The following TMIGD2 variants were observed in gnomAD, a reference collection of about 807,000 sequenced individuals.
TMIGD2 encodes transmembrane and immunoglobulin domain-containing protein 2.
A neutral mutation model predicts 22.6 loss-of-function variants in TMIGD2; 18 were observed. The observed-to-expected ratio is 0.80, with a 90% confidence interval of 0.55 to 1.18. The LOEUF is 1.18. TMIGD2 is among the 50% of genes most tolerant of loss of function. The pLI is 0.00. For missense variants in TMIGD2, 361 were observed against 378.2 expected (o/e 0.95, Z 0.38); for synonymous variants, 184 against 154.1 (o/e 1.19, Z -1.44).
intron 1 of TMIGD2, among the ~76,000 whole-genome samples, chr19:4,301,835 C>T (rs879762698): frequency 3.3e-5 from 5 of 152,058 alleles, no homozygotes; most frequent in Admixed American, 6.6e-5. Flanking sequence ...GAGCTGCTGC[C>T]GGAGTAGAAA....
In TMIGD2 at chr19:4,302,323, G is replaced by C. The variant is rs751058151; in HGVS notation, c.46+17C>G. On this transcript the variant is annotated intron_variant, in intron 1 of 4. Coordinates refer to ENST00000301272, the Ensembl canonical transcript of TMIGD2. The stretch of plus-strand genomic sequence containing the variant: ...GCAAGAGTGGGGTTCAGAGGGGAGG[G>C]AGGCCCAGATACTCACCCCAGATCT... 1 of 1,566,048 alleles carries C rather than the reference G, an allele frequency of 6.4e-7. No homozygotes were observed. Among genetic ancestry groups the C allele is most frequent in the Admixed American group, 1.8e-5 (1 of 54,384 alleles).
intron 1 of TMIGD2, among the ~76,000 whole-genome samples, chr19:4,301,132 CCAGCT>C (rs1971531230): frequency 6.6e-6 from 1 of 152,048 alleles, no homozygotes; most frequent in Non-Finnish European, 1.5e-5. Flanking sequence ...GCTACCACGC[CCAGCT>C]AATTTTTGTA....
chr19:4,297,270 T>C lies in TMIGD2; in HGVS notation c.406+716A>G, dbSNP rs148631721. ...TTTAGTAGAGAGGGGGTTTTCATCA[T>C]GTTGGCCAGGCTGGTCTCGAACCCC... On this transcript the variant is annotated intron_variant, in intron 2 of 4. Transcript: ENST00000301272. 2.6e-3 allele frequency among the ~76,000 whole-genome samples: 397 copies of C among 152,138 alleles called. 1 individual carries two copies. Among genetic ancestry groups the C allele is most frequent in the African/African-American group, 9.2e-3 (382 of 41,526 alleles).
rs1429414848 is a variant in TMIGD2, at chr19:4,293,273, T to TA, written c.563-389_563-388insT. Among the ~76,000 whole-genome samples, 60 of 147,482 alleles carry TA rather than the reference T, an allele frequency of 4.1e-4. 1 individual carries two copies. Among genetic ancestry groups the TA allele is most frequent in the African/African-American group, 1.5e-3 (58 of 39,422 alleles). ...ACCGCGCCCGGCCTTTTTTTTTTTTTTTTTGAGACAGTCTTACTCTGTCAC... is the reference window on the plus strand; with the variant it reads ...ACCGCGCCCGGCCTTTTTTTTTTTTTATTTTGAGACAGTCTTACTCTGTCAC... On this transcript the variant is annotated intron_variant, in intron 4 of 4. Transcript: ENST00000301272.
intron 1 of TMIGD2, among the ~76,000 whole-genome samples, chr19:4,301,464 C>T (rs778743610): frequency 2.6e-5 from 4 of 152,084 alleles, no homozygotes; most frequent in Non-Finnish European, 4.4e-5. Flanking sequence ...GTCAGGAGTT[C>T]GAGACCCACC....
At chr19:4,292,588 C>T in exon 5 of TMIGD2, 1 of 1,612,484 alleles carries the variant, frequency 6.2e-7, no homozygotes, top group South Asian at 1.1e-5. Context: ...GTTGAGGTCT[C>T]CTGGGATCTC....
At chr19:4,295,205 G>A (rs994476427) in intron 2 of TMIGD2, among the ~76,000 whole-genome samples, 1 of 147,618 alleles carries the variant, frequency 6.8e-6, no homozygotes, top group Non-Finnish European at 1.5e-5. Flanking sequence ...AGGTTGCAGT[G>A]AGCCGAGATC....
intron 1 of TMIGD2, 82 bp from the exon 2 acceptor site, chr19:4,298,427 A>AC: frequency 6.8e-7 from 1 of 1,469,778 alleles, no homozygotes; most frequent in South Asian, 1.4e-5. Context: ...GTGAGCCCGC[A>AC]GTCTGGGTTT....
rs559563785 is a variant in TMIGD2, at chr19:4,300,027, G to A, written c.47-1682C>T. Among the ~76,000 whole-genome samples the A allele has an allele frequency of 3.3e-5, 5 of 150,986 alleles. No individual in the cohort carries two copies. The South Asian group carries it at 1.0e-3, about 32-fold the overall frequency. Reference sequence around the variant, plus strand: ...TGTAATCCCAGCACTTTGGGAGGCCGAGGCGGGTGGATCACCTGAGGTCAG... The same window carrying A: ...TGTAATCCCAGCACTTTGGGAGGCCAAGGCGGGTGGATCACCTGAGGTCAG... On this transcript the variant is annotated intron_variant, in intron 1 of 4. Transcript: ENST00000301272.
At chr19:4,298,257 C>T (rs1315785111) in exon 2 of TMIGD2, 8 of 1,612,446 alleles carry the variant, frequency 5.0e-6, no homozygotes, top group Admixed American at 1.7e-5. Context: ...CCTGGTCCAC[C>T]TGGCAGACCA....
chr19:4,297,910 G>C, intron 2 of TMIGD2, 76 bp downstream of exon 2: 1 of 1,451,646 alleles, frequency 6.9e-7, no homozygotes, highest in Middle Eastern at 1.9e-4. Context: ...TTTGTTTCTA[G>C]GAGTTTAAGA....
intron 4 of TMIGD2, among the ~76,000 whole-genome samples, chr19:4,293,833 C>A (rs1430892975): frequency 6.6e-6 from 1 of 151,946 alleles, no homozygotes; most frequent in Non-Finnish European, 1.5e-5. Flanking sequence ...GCAGTCTGGG[C>A]TCACTGCAAT....
chr19:4,296,719 G>A (rs1056722651), intron 2 of TMIGD2, among the ~76,000 whole-genome samples: 2 of 151,440 alleles, frequency 1.3e-5, no homozygotes, highest in Admixed American at 1.3e-4. Context: ...CGTGTCCCCC[G>A]CCAGCAGGCT....
At chr19:4,302,112 G>C (rs558851780) in intron 1 of TMIGD2, among the ~76,000 whole-genome samples, 1 of 152,188 alleles carries the variant, frequency 6.6e-6, no homozygotes, top group South Asian at 2.1e-4. Flanking sequence ...AGATGAGAGA[G>C]GCCAGGCCAG....
intron 2 of TMIGD2, among the ~76,000 whole-genome samples, chr19:4,295,961 C>T (rs932290879): frequency 1.3e-5 from 2 of 152,150 alleles, no homozygotes; most frequent in African/African-American, 4.8e-5. Context: ...CTGTGTCACC[C>T]AGGCTGGAGT....
exon 1 of TMIGD2, chr19:4,302,374 C>A (rs147605966): frequency 6.4e-7 from 1 of 1,569,910 alleles, no homozygotes; most frequent in Non-Finnish European, 8.6e-7. Flanking sequence ...GCACCATGCC[C>A]GGGGACCCCA....
At chr19:4,294,009 G>A (rs1054902377) in intron 4 of TMIGD2, among the ~76,000 whole-genome samples, 8 of 151,554 alleles carry the variant, frequency 5.3e-5, no homozygotes, top group Non-Finnish European at 8.8e-5. Context: ...TGATCCACCC[G>A]CCTCAGCCTC....
exon 5 of TMIGD2, chr19:4,292,368 G>A: frequency 1.9e-6 from 1 of 530,794 alleles, no homozygotes; most frequent in South Asian, 2.1e-5. Context: ...TTGAGACGGA[G>A]TCTCACTCTG....
intron 4 of TMIGD2, 75 bp downstream of exon 4, chr19:4,294,504 A>T (rs1270747935): frequency 1.4e-6 from 2 of 1,421,498 alleles, no homozygotes; most frequent in Non-Finnish European, 2.0e-6. Context: ...GCGGGAGCAC[A>T]GATGCAGTGG....
Sources: allele counts gnomAD v4.1 joint callset (sites outside exome capture counted in the v4.1 genomes callset), GRCh38; gene constraint gnomAD v4.1.1; transcripts MANE v1.5; gene names NCBI Gene and HGNC (gene_info 2026-07-23, HGNC 2026-07-21).